Variants in ADAMTS20 observed in about 807,000 individuals in gnomAD.
ADAMTS20 encodes the protein A disintegrin and metalloproteinase with thrombospondin motifs 20.
A neutral mutation model predicts 260.1 loss-of-function variants in ADAMTS20; 225 were observed. The observed-to-expected ratio is 0.87, with a 90% CI of 0.78 to 0.97. ADAMTS20 has a LOEUF of 0.97. ADAMTS20 is among the 50% of genes least tolerant of loss of function. The probability of loss-of-function intolerance (pLI) is 0.00; values close to 1 mark genes in which losing one functional copy is unlikely to be tolerated. For synonymous variants in ADAMTS20, 802 were observed against 769.5 expected, an observed-to-expected ratio of 1.04 and a Z score of -0.70; for missense variants, 2,400 against 2,337.7, an observed-to-expected ratio of 1.03 and a Z score of -0.55.
chr12:43,530,378 G>C (rs1943203250), intron 3 of ADAMTS20, among the ~76,000 whole-genome samples: 1 of 152,154 alleles, frequency 6.6e-6, no homozygotes, highest in African/African-American at 2.4e-5. Flanking sequence ...TTGTGGAACT[G>C]TACCCATTTG....
chr12:43,358,064 A>C (rs945518719), intron 37 of ADAMTS20, among the ~76,000 whole-genome samples: 4 of 152,204 alleles, frequency 2.6e-5, no homozygotes, highest in African/African-American at 7.2e-5. Flanking sequence ...AAAAATGAAA[A>C]TATATTCTAC....
In ADAMTS20 at chr12:43,354,184, G is replaced by A. The variant is rs1457788468; in HGVS notation, c.*25C>T. 5 of 1,494,328 alleles carry A rather than the reference G, an allele frequency of 3.3e-6. No individual in the cohort carries two copies. The highest frequency in any genetic ancestry group is 4.6e-6 in the Non-Finnish European group (5 of 1,091,896). The allele number at this position is 1,494,328 out of a possible 1,614,324, so 92.6% of individuals were successfully genotyped here. ...TATTCCAGAGAATATCCCCTCTTTA[G>A]GGCATACTTCCCCCTTCTAAATGTT... On this transcript the variant is annotated 3_prime_UTR_variant, in exon 39 of 39. Coordinates refer to ENST00000389420, the MANE Select transcript of ADAMTS20 (RefSeq NM_025003.5).
chr12:43,371,256 G>C (rs1940101351), intron 36 of ADAMTS20, among the ~76,000 whole-genome samples: 1 of 151,892 alleles, frequency 6.6e-6, no homozygotes, highest in South Asian at 2.1e-4. Flanking sequence ...TGCCTCTTTT[G>C]TTAACTCAAA....
At chr12:43,396,243 C>T (rs1350349450) in intron 29 of ADAMTS20, among the ~76,000 whole-genome samples, 3 of 152,020 alleles carry the variant, frequency 2.0e-5, no homozygotes, top group Admixed American at 2.0e-4. Context: ...GAAGAGTGTT[C>T]CTTCAAAACT....
Position 43,377,439 on chromosome 12 carries a change from G to T in ADAMTS20, c.4921C>A (p.Pro1641Thr). Residue 1641 changes from proline (P) to threonine (T), a missense_variant, in exon 32 of 39, where the codon CCT becomes ACT. By Grantham distance (38) the Pro-to-Thr change is conservative (BLOSUM62 -1). Coordinates refer to ENST00000389420, the MANE Select transcript of ADAMTS20 (RefSeq NM_025003.5). Reference sequence around the variant, plus strand: ...ATGCATTGGTAAACCTGAGAGGAAGGCACCACAGGGCATTCTTGATAAACT... The same window carrying T: ...ATGCATTGGTAAACCTGAGAGGAAGTCACCACAGGGCATTCTTGATAAACT... ...PIVYQECPVV[P>T]SSQVYQCINS... The T allele has an allele frequency of 6.2e-7, 1 of 1,613,532 alleles. No homozygotes were observed. The highest frequency in any genetic ancestry group is 1.1e-5 in the South Asian group (1 of 91,018).
In ADAMTS20 at chr12:43,551,292, C is replaced by G; in HGVS notation, c.92-22G>C. On this transcript the variant is annotated intron_variant, in intron 1 of 38. Coordinates refer to ENST00000389420, the MANE Select transcript of ADAMTS20 (RefSeq NM_025003.5). The surrounding 1 kb of genome is among the most constrained non-coding windows in gnomAD (Gnocchi z 4.6). ...GCTTCTGCAACAACAGCGACAGGAC[C>G]AGTGAGCTCCCACGCGTTCCTCATT... is the stretch of plus-strand genomic sequence containing the variant. The G allele has an allele frequency of 6.2e-7, 1 of 1,600,326 alleles. No individual in the cohort carries two copies. Among genetic ancestry groups the G allele is most frequent in the Non-Finnish European group, 8.5e-7 (1 of 1,171,574 alleles).
chr12:43,430,519 A>G (rs1180306000), intron 22 of ADAMTS20, 48 bp from the exon 23 acceptor site: 1 of 1,544,812 alleles, frequency 6.5e-7, no homozygotes, highest in Admixed American at 1.8e-5. Context: ...CCCAAAAGTT[A>G]CACAAACTTC....
chr12:43,413,259 C>T (rs984606630), intron 28 of ADAMTS20, among the ~76,000 whole-genome samples: 1 of 152,128 alleles, frequency 6.6e-6, no homozygotes, highest in African/African-American at 2.4e-5. Flanking sequence ...ACATCCCAAA[C>T]AGAATGATTA....
chr12:43,447,022 C>T (rs994588434), intron 14 of ADAMTS20, among the ~76,000 whole-genome samples: 2 of 151,756 alleles, frequency 1.3e-5, no homozygotes, highest in Non-Finnish European at 2.9e-5. Context: ...CAAAAAAAGC[C>T]CAGGATCACA....
intron 37 of ADAMTS20, among the ~76,000 whole-genome samples, chr12:43,360,309 C>T (rs969082978): frequency 6.6e-6 from 1 of 152,014 alleles, no homozygotes; most frequent in South Asian, 2.1e-4. Flanking sequence ...ATTAGCCGGG[C>T]GTGGTGGCAG....
At chr12:43,437,417 G>T (rs1176663723) in intron 18 of ADAMTS20, among the ~76,000 whole-genome samples, 1 of 151,956 alleles carries the variant, frequency 6.6e-6, no homozygotes, top group African/African-American at 2.4e-5. Context: ...TTAATTACCA[G>T]AAAAATAGAT....
chr12:43,548,593 A>G (rs1271187412), intron 2 of ADAMTS20, among the ~76,000 whole-genome samples: 2 of 152,192 alleles, frequency 1.3e-5, no homozygotes, highest in East Asian at 1.9e-4. Flanking sequence ...GTAGAAATAA[A>G]TATATATAAT....
intron 3 of ADAMTS20, among the ~76,000 whole-genome samples, chr12:43,510,614 A>G (rs1375971566): frequency 6.6e-6 from 1 of 152,086 alleles, no homozygotes; most frequent in African/African-American, 2.4e-5. Flanking sequence ...ATTGAGTCAA[A>G]TGTTAAAATA....
intron 3 of ADAMTS20, among the ~76,000 whole-genome samples, chr12:43,516,400 C>T (rs112924740): frequency 1.3e-5 from 2 of 152,282 alleles, no homozygotes; most frequent in South Asian, 2.1e-4. Flanking sequence ...AGCAAAGCAT[C>T]ATGTGGCTAA....
chr12:43,431,461 C>CCG lies in ADAMTS20; in HGVS notation c.3130_3131dup (p.Gln1045GlyfsTer7). 1 of 1,613,998 alleles carries CCG rather than the reference C, an allele frequency of 6.2e-7. No homozygotes were observed. Among genetic ancestry groups the CCG allele is most frequent in the Non-Finnish European group, 8.5e-7 (1 of 1,179,866 alleles). On this transcript the variant is annotated frameshift_variant, in exon 22 of 39. Coordinates refer to ENST00000389420, the MANE Select transcript of ADAMTS20 (RefSeq NM_025003.5). LOFTEE classifies it high-confidence loss of function. The stretch of plus-strand genomic sequence containing the variant: ...CTACATTCAGCTGACACCATACCTG[C>CCG]CGCTGCTTTGTTCCTTTACCACATG...
chr12:43,436,002 A>G (rs1320624135), intron 18 of ADAMTS20, among the ~76,000 whole-genome samples: 1 of 152,206 alleles, frequency 6.6e-6, no homozygotes, highest in Non-Finnish European at 1.5e-5. Flanking sequence ...ACATGATTAT[A>G]TACGTTATCT....
At chr12:43,366,188 A>AGCTGTTTAGTAT (rs1939982144) in intron 37 of ADAMTS20, among the ~76,000 whole-genome samples, 1 of 151,904 alleles carries the variant, frequency 6.6e-6, no homozygotes, top group East Asian at 1.9e-4. Context: ...TGGAGTGGCC[A>AGCTGTTTAGTAT]CACTAGTATC....
At chr12:43,542,828 T>C (rs1343804231) in intron 2 of ADAMTS20, among the ~76,000 whole-genome samples, 2 of 152,196 alleles carry the variant, frequency 1.3e-5, no homozygotes, top group African/African-American at 2.4e-5. Flanking sequence ...AAAAAGCCTT[T>C]GATGGAGTTC....
intron 2 of ADAMTS20, among the ~76,000 whole-genome samples, chr12:43,538,233 C>T (rs551254599): frequency 1.3e-5 from 2 of 152,298 alleles, no homozygotes; most frequent in South Asian, 4.1e-4. Flanking sequence ...GATGATATCT[C>T]ACTGTAGTTT....
Sources: allele counts gnomAD v4.1 joint callset (sites outside exome capture counted in the v4.1 genomes callset), GRCh38; gene constraint gnomAD v4.1.1; non-coding constraint Gnocchi (gnomAD v3.1); transcripts MANE v1.5; gene names NCBI Gene and HGNC (gene_info 2026-07-23, HGNC 2026-07-21).